EYS: variants seen among roughly 807,000 people sequenced by gnomAD.
EYS encodes the protein EGF-like photoreceptor maintenance factor.
In EYS, 250 loss-of-function variants were observed where a neutral mutation model predicts 282.1. The observed-to-expected ratio is 0.89, with a 90% CI of 0.80 to 0.98. The LOEUF is 0.98. Ranked by LOEUF, EYS falls within the 50% of genes least tolerant of loss-of-function variation. EYS has a pLI of 0.00. For synonymous variants in EYS, 1,355 were observed against 1,282.9 expected (o/e 1.06, Z -1.20); for missense variants, 4,016 against 3,709.0 (o/e 1.08, Z -2.15).
intron 31 of EYS, among the ~76,000 whole-genome samples, chr6:64,187,202 C>T (rs1764971521): frequency 6.6e-6 from 1 of 152,020 alleles, no homozygotes; most frequent in Non-Finnish European, 1.5e-5. Flanking sequence ...TTTTTATCTC[C>T]CTTCTTATCT....
intron 41 of EYS, among the ~76,000 whole-genome samples, chr6:63,731,709 T>C (rs1768786753): frequency 6.6e-6 from 1 of 152,214 alleles, no homozygotes; most frequent in African/African-American, 2.4e-5. Context: ...TGTGAATAGT[T>C]TGAGCTAGAA....
At chr6:64,370,367 G>C (rs1582662193) in intron 29 of EYS, among the ~76,000 whole-genome samples, 2 of 151,986 alleles carry the variant, frequency 1.3e-5, no homozygotes, top group East Asian at 3.9e-4. Flanking sequence ...TCCAGAGACA[G>C]AGCCTACTTG....
intron 22 of EYS, among the ~76,000 whole-genome samples, chr6:64,659,784 C>G (rs1768922626): frequency 6.6e-6 from 1 of 152,084 alleles, no homozygotes; most frequent in African/African-American, 2.4e-5. Context: ...CAGATGGATT[C>G]ACAGCCGAAT....
chr6:64,718,472 A>G (rs1771467356), intron 22 of EYS, among the ~76,000 whole-genome samples: 1 of 152,094 alleles, frequency 6.6e-6, no homozygotes, highest in African/African-American at 2.4e-5. Flanking sequence ...ATATTTATCA[A>G]TTCCTTAATG....
At chr6:65,443,375 CAT>C (rs1246420285) in intron 5 of EYS, among the ~76,000 whole-genome samples, 3 of 140,076 alleles carry the variant, frequency 2.1e-5, no homozygotes, top group Non-Finnish European at 3.2e-5. Flanking sequence ...TGTATGTACA[CAT>C]ATAGACATAT....
intron 22 of EYS, among the ~76,000 whole-genome samples, chr6:64,671,000 C>T (rs191129518): frequency 7.9e-5 from 12 of 151,744 alleles, no homozygotes; most frequent in African/African-American, 2.9e-4. Context: ...CAAATTCATT[C>T]CCAGACCTAC....
intron 12 of EYS, among the ~76,000 whole-genome samples, chr6:65,236,873 C>G (rs190859492): frequency 6.6e-6 from 1 of 152,122 alleles, no homozygotes; most frequent in Admixed American, 6.6e-5. Flanking sequence ...TAGATTAAAT[C>G]TCTCTTTATC....
Position 63,720,542 on chromosome 6 carries a change from CTA to C in EYS, c.*52_*53del. The C allele has an allele frequency of 7.8e-7, 1 of 1,284,092 alleles. No homozygotes were observed. Among genetic ancestry groups the C allele is most frequent in the African/African-American group, 1.5e-5 (1 of 66,224 alleles). 79.5% of individuals were successfully genotyped at this position (1,284,092 alleles called of 1,614,324 possible). A position where few individuals can be genotyped will look rare whatever the true frequency, so the allele number is the denominator to read the frequency against. ...CGTAAGCAATGTATCAAAGAAATAA[CTA>C]TCAAAATAACTGCATTTATGTATAG... On this transcript the variant is annotated 3_prime_UTR_variant, in exon 43 of 43. Transcript: ENST00000503581.
chr6:65,010,397 T>C (rs990019932), intron 13 of EYS, among the ~76,000 whole-genome samples: 3 of 152,234 alleles, frequency 2.0e-5, no homozygotes, highest in African/African-American at 7.2e-5. Context: ...TCAGGCTCTA[T>C]TACTTGAAGG....
At chr6:65,634,425 A>T (rs1468714087) in intron 2 of EYS, among the ~76,000 whole-genome samples, 1 of 152,210 alleles carries the variant, frequency 6.6e-6, no homozygotes, top group Non-Finnish European at 1.5e-5. Flanking sequence ...GCCACTAAAT[A>T]TTGAATCACT....
intron 22 of EYS, among the ~76,000 whole-genome samples, chr6:64,709,323 T>G (rs1771132388): frequency 6.6e-6 from 1 of 152,166 alleles, no homozygotes; most frequent in African/African-American, 2.4e-5. Context: ...CATAGGGCAT[T>G]TCTTCCAAAT....
chr6:65,658,484 T>C (rs1296765915), intron 1 of EYS, among the ~76,000 whole-genome samples: 1 of 151,648 alleles, frequency 6.6e-6, no homozygotes, highest in East Asian at 1.9e-4. Flanking sequence ...GAAAAGTTTA[T>C]TTCTTTAAAA....
At chr6:63,786,216 A>AG (rs1770356680) in intron 39 of EYS, 1 of 151,638 alleles carries the variant, frequency 6.6e-6, no homozygotes, top group Non-Finnish European at 1.5e-5. Flanking sequence ...AAAAAAAAAA[A>AG]AAAAAAAGGT....
chr6:64,066,093 C>A (rs1198473667), intron 33 of EYS, among the ~76,000 whole-genome samples: 1 of 152,102 alleles, frequency 6.6e-6, no homozygotes, highest in Non-Finnish European at 1.5e-5. Flanking sequence ...GAAACCCCAT[C>A]TCTACTAAAA....
chr6:65,676,596 C>T (rs1473232955), intron 1 of EYS, among the ~76,000 whole-genome samples: 1 of 151,634 alleles, frequency 6.6e-6, no homozygotes, highest in Non-Finnish European at 1.5e-5. Flanking sequence ...AAGTCTAGGA[C>T]TAGATGGCTT....
At chr6:64,490,646 G>T (rs1482169858) in intron 26 of EYS, among the ~76,000 whole-genome samples, 1 of 150,662 alleles carries the variant, frequency 6.6e-6, no homozygotes, top group African/African-American at 2.4e-5. Flanking sequence ...TCAACGCAGT[G>T]CAATAAAATG....
At chr6:64,822,943 A>G (rs1228344827) in intron 19 of EYS, 121 bp from the exon 20 acceptor site, 3 of 717,294 alleles carry the variant, frequency 4.2e-6, no homozygotes, top group Non-Finnish European at 4.5e-6. Flanking sequence ...ATAACTTGGT[A>G]TTTGGTAGCA....
chr6:65,195,979 G>A (rs937665608), intron 12 of EYS, among the ~76,000 whole-genome samples: 6 of 152,080 alleles, frequency 3.9e-5, no homozygotes, highest in Middle Eastern at 3.4e-3. Context: ...AGCATGAAAT[G>A]GAAAGGACAT....
At chr6:65,491,486 G>A in intron 4 of EYS, 1 of 337,826 alleles carries the variant, frequency 3.0e-6, no homozygotes, top group South Asian at 2.3e-5. Flanking sequence ...TTTAATTTAT[G>A]AGCAGTTTTT....
Sources: allele counts gnomAD v4.1 joint callset (sites outside exome capture counted in the v4.1 genomes callset), GRCh38; gene constraint gnomAD v4.1.1; transcripts MANE v1.5; gene names NCBI Gene and HGNC (gene_info 2026-07-23, HGNC 2026-07-21).